Variants in PIGG observed in about 807,000 individuals in gnomAD.
PIGG encodes phosphatidylinositol glycan anchor biosynthesis class G (EMM blood group).
A neutral mutation model predicts 83.2 loss-of-function variants in PIGG; 70 were observed. The ratio of observed to expected loss-of-function variants is 0.84; its 90% CI spans 0.69 to 1.03. The LOEUF is 1.03. PIGG is among the 50% of genes least tolerant of loss of function. PIGG has a pLI of 0.00. For synonymous variants in PIGG, 532 were observed against 519.5 expected (o/e 1.02, Z -0.33); for missense variants, 1,257 against 1,233.6 (o/e 1.02, Z -0.28).
Position 499,226 on chromosome 4 carries a change from T to TA in PIGG, c.-108dup. 1 of 1,179,592 alleles carries TA rather than the reference T, an allele frequency of 8.5e-7. No homozygotes were observed. Among genetic ancestry groups the TA allele is most frequent in the Non-Finnish European group, 1.2e-6 (1 of 854,052 alleles). The allele number at this position is 1,179,592 out of a possible 1,614,324, so 73.1% of individuals were successfully genotyped here. On this transcript the variant is annotated 5_prime_UTR_variant, in exon 1 of 13. Transcript: ENST00000453061. The stretch of plus-strand genomic sequence containing the variant: ...CGTGACGCCACTGTCGCTGCGACGA[T>TA]AAGGCCTGGCGTTATTGCTTAGAGG...
Position 521,642 on chromosome 4 carries a change from G to A in PIGG, c.1333-18G>A. On this transcript the variant is annotated intron_variant, in intron 7 of 12. Transcript: ENST00000453061. ...CCAAGCCCAGCAGTCTGTGGATGCT[G>A]CTGTTTCTCTGTTCCAGGTTCTCAC... is the stretch of plus-strand genomic sequence containing the variant. 1 of 1,610,640 alleles carries A rather than the reference G, an allele frequency of 6.2e-7. No individual in the cohort carries two copies. The highest frequency in any genetic ancestry group is 1.3e-5 in the African/African-American group (1 of 74,932).
At chr4:505,996 A>T (rs1719545689) in intron 3 of PIGG, 69 bp downstream of exon 3, 2 of 1,032,236 alleles carry the variant, frequency 1.9e-6, no homozygotes, top group Non-Finnish European at 2.9e-6. Flanking sequence ...GCATCCCATT[A>T]CTTAGTGAGA....
At chr4:526,179 TTTA>T (rs1243038284) in intron 9 of PIGG, among the ~76,000 whole-genome samples, 2 of 152,232 alleles carry the variant, frequency 1.3e-5, no homozygotes, top group Non-Finnish European at 2.9e-5. Flanking sequence ...AATGTTCTAT[TTTA>T]TTATTATAAC....
Position 499,378 on chromosome 4 carries a change from A to T in PIGG, c.43A>T (p.Ile15Phe). The T allele has an allele frequency of 6.2e-7, 1 of 1,610,204 alleles. No individual in the cohort carries two copies. The highest frequency in any genetic ancestry group is 8.5e-7 in the Non-Finnish European group (1 of 1,179,936). The change falls in exon 1 of 13, where the codon ATC becomes TTC. Residue 15 changes from isoleucine (I) to phenylalanine (F), a missense_variant. Ile to Phe is a conservative substitution (Grantham distance 21). Coordinates refer to ENST00000453061, the MANE Select transcript of PIGG (RefSeq NM_001127178.3). ...SGTFATCCVA[I>F]EVLGIAVFLR... ...GACTTTCGCTACCTGTTGCGTAGCG[A>T]TCGAGGTGCTAGGGATCGCGGTCTT...
chr4:512,740 G>T (rs985672553), intron 5 of PIGG, among the ~76,000 whole-genome samples: 1 of 151,916 alleles, frequency 6.6e-6, no homozygotes, highest in African/African-American at 2.4e-5. Flanking sequence ...ACTTGAACCC[G>T]GGAGGCAGAG....
chr4:535,073 G>T (rs1730147065), intron 12 of PIGG, among the ~76,000 whole-genome samples: 2 of 152,238 alleles, frequency 1.3e-5, no homozygotes. Context: ...TGTGAGGCAG[G>T]GGCTTCACCC....
rs1723690753 is a variant in PIGG at position 515,974 on chromosome 4, T to C, written c.903T>C (p.Gly301=). The C allele has an allele frequency of 6.2e-7, 1 of 1,612,660 alleles. No individual in the cohort carries two copies. ...CTTAAAATGTTTTCTTTCTTCTAGG[T>C]GATATCCGACATCCAAAGCACGTCC... ...LISSAFERKP[G]DIRHPKHVQQ... The change falls in exon 6 of 13, where the codon GGT becomes GGC. Residue 301 remains glycine, a splice_region_variant and synonymous_variant. Coordinates refer to ENST00000453061, the MANE Select transcript of PIGG (RefSeq NM_001127178.3). The surrounding 1 kb of genome is among the most constrained non-coding windows in gnomAD (Gnocchi z 4.2).
At chr4:506,454 G>A (rs189232387) in intron 3 of PIGG, among the ~76,000 whole-genome samples, 1 of 152,300 alleles carries the variant, frequency 6.6e-6, no homozygotes, top group East Asian at 1.9e-4. Context: ...TGGGGCTGAG[G>A]TAGGAGCACA....
At position 539,383 on chromosome 4, in the gene PIGG, C is replaced by G. The variant is rs779001075; in HGVS notation, c.*14C>G. On this transcript the variant is annotated 3_prime_UTR_variant, in exon 13 of 13. Coordinates refer to ENST00000453061, the MANE Select transcript of PIGG (RefSeq NM_001127178.3). Reference sequence around the variant, plus strand: ...ACACAGTCTTAGACTAAGCTGAACACTGGAAAAATAATACATGCTTAAAGT... The same window carrying G: ...ACACAGTCTTAGACTAAGCTGAACAGTGGAAAAATAATACATGCTTAAAGT... 6.8e-7 allele frequency: 1 copy of G among 1,473,812 alleles called. No homozygotes were observed. Among genetic ancestry groups the G allele is most frequent in the Non-Finnish European group, 9.4e-7 (1 of 1,058,962 alleles). The allele number at this position is 1,473,812 out of a possible 1,614,324, so 91.3% of individuals were successfully genotyped here.
chr4:523,880 C>G lies in PIGG; in HGVS notation c.2036C>G (p.Ala679Gly). ...RSLNQTGVQW[A>G]HRPDLGHWLT... is the part of the protein sequence containing the mutation. ...CTAAACCAGACAGGTGTGCAGTGGGCTCACCGGCCTGACCTCGGCCACTGG... is the reference window on the plus strand; with the variant it reads ...CTAAACCAGACAGGTGTGCAGTGGGGTCACCGGCCTGACCTCGGCCACTGG... Residue 679 changes from alanine (A) to glycine (G), a missense_variant, in exon 9 of 13, where the codon GCT becomes GGT. Physicochemically the swap from Ala to Gly is moderately conservative, Grantham distance 60. Transcript: ENST00000453061. The G allele has an allele frequency of 6.4e-7, 1 of 1,552,068 alleles. No homozygotes were observed. The highest frequency in any genetic ancestry group is 8.7e-7 in the Non-Finnish European group (1 of 1,144,816).
intron 12 of PIGG, among the ~76,000 whole-genome samples, chr4:535,240 T>C (rs894658350): frequency 6.6e-6 from 1 of 152,110 alleles, no homozygotes; most frequent in African/African-American, 2.4e-5. Flanking sequence ...GGTTTTCCCA[T>C]CTGTAAAACG....
chr4:505,696 T>C (rs782131119), intron 2 of PIGG, 22 bp from the exon 3 acceptor site: 1 of 1,594,786 alleles, frequency 6.3e-7, no homozygotes, highest in Non-Finnish European at 8.6e-7. Flanking sequence ...AGTGGCCTAA[T>C]TCTTGCATTT....
intron 6 of PIGG, among the ~76,000 whole-genome samples, chr4:518,281 C>T (rs1235516344): frequency 3.9e-5 from 6 of 152,174 alleles, no homozygotes; most frequent in South Asian, 2.1e-4. Context: ...CTTTTTTCTA[C>T]GCTAAGAGTG....
intron 9 of PIGG, chr4:525,220 C>T (rs984636948): frequency 9.1e-6 from 9 of 985,294 alleles, no homozygotes; most frequent in Non-Finnish European, 1.1e-5. Context: ...CTTTCATTGG[C>T]GACTGGAAAA....
chr4:518,002 C>A (rs1434101526), intron 6 of PIGG, among the ~76,000 whole-genome samples: 2 of 152,140 alleles, frequency 1.3e-5, no homozygotes, highest in Non-Finnish European at 2.9e-5. Flanking sequence ...ATAGAGTGAA[C>A]GTCCACAAGC....
At position 539,321 on chromosome 4, in the gene PIGG, CTG is replaced by C. The variant is rs1449669765; in HGVS notation, c.2908_2909del (p.Val970IlefsTer16). ...GMHLLITAAV[C>X]VFFTAMDQTR... ...TGCACCTGCTCATTACAGCTGCTGT[CTG>C]TGTATTCTTCACGGCAATGGATCAA... On this transcript the variant is annotated frameshift_variant, in exon 13 of 13. Transcript: ENST00000453061. LOFTEE classifies it low-confidence loss of function (END_TRUNC). 2.5e-6 allele frequency: 4 copies of C among 1,613,576 alleles called. No individual in the cohort carries two copies. Among genetic ancestry groups the C allele is most frequent in the Admixed American group, 1.7e-5 (1 of 59,992 alleles).
chr4:516,102 T>C lies in PIGG; in HGVS notation c.1031T>C (p.Met344Thr), dbSNP rs1371886997. The change falls in exon 6 of 13, where the codon ATG (methionine) becomes ACG (threonine). Residue 344 changes from methionine (M) to threonine (T), a missense_variant. Met to Thr is a moderately conservative substitution (Grantham distance 81, BLOSUM62 -1). Coordinates refer to ENST00000453061, the MANE Select transcript of PIGG (RefSeq NM_001127178.3). ...LLFPVVEGRP[M>T]REQLRFLHLN... ...TTCCCAGTTGTGGAAGGAAGACCAATGAGAGAGCAGTTGAGATTTTTACAT... is the reference window on the plus strand; with the variant it reads ...TTCCCAGTTGTGGAAGGAAGACCAACGAGAGAGCAGTTGAGATTTTTACAT... 1 of 1,613,762 alleles carries C rather than the reference T, an allele frequency of 6.2e-7. No homozygotes were observed. The highest frequency in any genetic ancestry group is 2.2e-5 in the East Asian group (1 of 44,836).
Position 507,584 on chromosome 4 carries a change from G to C in PIGG, c.750G>C (p.Leu250=), listed in dbSNP as rs145004132. 1 of 1,610,610 alleles carries C rather than the reference G, an allele frequency of 6.2e-7. No homozygotes were observed. The highest frequency in any genetic ancestry group is 8.5e-7 in the Non-Finnish European group (1 of 1,177,920). ...DSVLMKIHTS[L]QSKERETPLP... ...TGCTGATGAAGATCCACACCTCACT[G>C]CAGTCGAAGGTGAGGCTCGCCGTCG... The change falls in exon 4 of 13, where the codon CTG becomes CTC. Residue 250 remains leucine, a synonymous_variant. Transcript: ENST00000453061.
intron 9 of PIGG, 115 bp from the exon 10 acceptor site, chr4:526,922 CTT>C (rs1727783399): frequency 9.1e-7 from 1 of 1,103,262 alleles, no homozygotes; most frequent in East Asian, 2.6e-5. Flanking sequence ...TTCATGTAAT[CTT>C]TGGTTTTTGG....
Sources: allele counts gnomAD v4.1 joint callset (sites outside exome capture counted in the v4.1 genomes callset), GRCh38; gene constraint gnomAD v4.1.1; non-coding constraint Gnocchi (gnomAD v3.1); transcripts MANE v1.5; gene names NCBI Gene and HGNC (gene_info 2026-07-23, HGNC 2026-07-21).